DGKB: variants seen among roughly 807,000 people sequenced by gnomAD.
DGKB encodes the protein 90 kDa diacylglycerol kinase.
In DGKB, 67 loss-of-function variants were observed where a neutral mutation model predicts 114.3. That is an observed-to-expected ratio of 0.59 (90% CI 0.48 to 0.72). DGKB has a LOEUF of 0.72. DGKB is among the 30% of genes least tolerant of loss of function. The pLI is 0.00. For missense variants in DGKB, 907 were observed against 975.2 expected, an observed-to-expected ratio of 0.93 and a Z score of 0.93; for synonymous variants, 398 against 323.1, an observed-to-expected ratio of 1.23 and a Z score of -2.49.
chr7:14,668,211 T>A (rs556235173), intron 13 of DGKB, among the ~76,000 whole-genome samples: 1 of 152,078 alleles, frequency 6.6e-6, no homozygotes, highest in Non-Finnish European at 1.5e-5. Flanking sequence ...ATAAAATTTG[T>A]GAGGCTGGTA....
chr7:14,338,457 A>G (rs1200980017), intron 23 of DGKB, 58 bp downstream of exon 23: 1 of 1,111,188 alleles, frequency 9.0e-7, no homozygotes, highest in Admixed American at 2.6e-5. Context: ...TTACTTTTAA[A>G]GAAGCCTTTG....
chr7:14,279,420 C>A (rs1409023739), intron 23 of DGKB, among the ~76,000 whole-genome samples: 2 of 152,180 alleles, frequency 1.3e-5, no homozygotes, highest in Non-Finnish European at 2.9e-5. Context: ...GGCTCCACCT[C>A]TGGGGGCAGG....
chr7:14,155,735 G>A (rs1016086184), intron 25 of DGKB, among the ~76,000 whole-genome samples: 2 of 152,076 alleles, frequency 1.3e-5, no homozygotes, highest in African/African-American at 4.8e-5. Context: ...AGATTTTACT[G>A]CAATTTCCAT....
At chr7:14,393,483 T>C (rs1057248179) in intron 21 of DGKB, among the ~76,000 whole-genome samples, 1 of 152,194 alleles carries the variant, frequency 6.6e-6, no homozygotes, top group African/African-American at 2.4e-5. Flanking sequence ...TGTAGAAATT[T>C]ATTCTTTCTT....
At chr7:14,328,619 T>A (rs1222332594) in intron 23 of DGKB, among the ~76,000 whole-genome samples, 1 of 151,990 alleles carries the variant, frequency 6.6e-6, no homozygotes, top group East Asian at 1.9e-4. Context: ...GCAGGTAAAA[T>A]ATAATGATAA....
chr7:14,607,125 G>A (rs558846887), intron 17 of DGKB, among the ~76,000 whole-genome samples: 1 of 150,700 alleles, frequency 6.6e-6, no homozygotes, highest in South Asian at 2.1e-4. Flanking sequence ...ACATGGTTTG[G>A]CAGTGTTCAA....
Position 14,876,392 on chromosome 7 carries a change from A to G in DGKB, c.-188+26200T>C, listed in dbSNP as rs1261314959. ...ACAGAGCCGTAACAAGGCCACAAAC[A>G]TAACACTGCCTGTTGAGTAAAGCTG... On this transcript the variant is annotated intron_variant, in intron 1 of 25. Coordinates refer to ENST00000402815, the MANE Select transcript of DGKB (RefSeq NM_001350709.2). Among the ~76,000 whole-genome samples, 9 of 152,218 alleles carry G rather than the reference A, an allele frequency of 5.9e-5. No individual in the cohort carries two copies. In the South Asian group the frequency reaches 1.2e-3, roughly 21 times the overall value.
chr7:14,591,253 G>A (rs1483640926), intron 17 of DGKB, among the ~76,000 whole-genome samples: 1 of 152,112 alleles, frequency 6.6e-6, no homozygotes. Context: ...CTTTTGTACT[G>A]CGTATTGTAC....
chr7:14,479,708 A>G (rs1361646364), intron 20 of DGKB, among the ~76,000 whole-genome samples: 1 of 152,122 alleles, frequency 6.6e-6, no homozygotes, highest in Admixed American at 6.6e-5. Context: ...ATTATACTTT[A>G]TAATATGAAG....
intron 21 of DGKB, among the ~76,000 whole-genome samples, chr7:14,364,189 T>C (rs1471463479): frequency 1.3e-5 from 2 of 151,938 alleles, no homozygotes; most frequent in Admixed American, 1.3e-4. Context: ...AAACAACTAA[T>C]GCATAGTTCT....
At chr7:14,554,238 A>C (rs1795549418) in intron 20 of DGKB, among the ~76,000 whole-genome samples, 1 of 152,146 alleles carries the variant, frequency 6.6e-6, no homozygotes, top group South Asian at 2.1e-4. Context: ...TGTGTTCCCT[A>C]ACATTTCTTG....
In DGKB at chr7:14,285,333, T is replaced by C. The variant is rs1288555926; in HGVS notation, c.2122+53182A>G. 5.9e-5 allele frequency among the ~76,000 whole-genome samples: 9 copies of C among 152,246 alleles called. No homozygotes were observed. In the East Asian group the frequency reaches 1.4e-3, roughly 23 times the overall value. ...GAGTCTGCCACAATTACTGCTCTAA[T>C]AGAGGGGCTACAAATTACTATTGGA... On this transcript the variant is annotated intron_variant, in intron 23 of 25. Coordinates refer to ENST00000402815, the MANE Select transcript of DGKB (RefSeq NM_001350709.2).
intron 21 of DGKB, among the ~76,000 whole-genome samples, chr7:14,352,016 A>C (rs1033841801): frequency 3.9e-5 from 6 of 152,194 alleles, no homozygotes; most frequent in Non-Finnish European, 8.8e-5. Flanking sequence ...AACATTTTTC[A>C]TATTTCTAGA....
chr7:14,866,480 A>G (rs924843603), intron 1 of DGKB, among the ~76,000 whole-genome samples: 2 of 152,178 alleles, frequency 1.3e-5, no homozygotes, highest in Non-Finnish European at 2.9e-5. Flanking sequence ...AGAATGTTAT[A>G]TACACTTAGA....
At chr7:14,955,587 T>C (rs1786456755) in intron 1 of DGKB, among the ~76,000 whole-genome samples, 1 of 151,964 alleles carries the variant, frequency 6.6e-6, no homozygotes, top group Non-Finnish European at 1.5e-5. Flanking sequence ...AAACGTTCAG[T>C]TTAAGCAAAG....
chr7:14,931,292 A>T (rs192341842), intron 1 of DGKB, among the ~76,000 whole-genome samples: 1,550 of 152,094 alleles, frequency 0.01, 23 homozygotes, highest in Non-Finnish European at 0.01. Flanking sequence ...TTGTATTTTT[A>T]GTAGAGAAAG....
intron 25 of DGKB, among the ~76,000 whole-genome samples, chr7:14,156,169 G>C (rs183201863): frequency 1.3e-5 from 2 of 152,064 alleles, no homozygotes; most frequent in Non-Finnish European, 2.9e-5. Context: ...ATTAATTAGG[G>C]TGAAACCTTC....
intron 9 of DGKB, among the ~76,000 whole-genome samples, chr7:14,686,105 A>T (rs994318774): frequency 7.9e-5 from 12 of 152,198 alleles, no homozygotes; most frequent in Non-Finnish European, 1.5e-4. Context: ...ATTTTTATTT[A>T]TAACAATCAC....
intron 4 of DGKB, among the ~76,000 whole-genome samples, chr7:14,751,037 C>T (rs1834051343): frequency 6.6e-6 from 1 of 151,860 alleles, no homozygotes; most frequent in Non-Finnish European, 1.5e-5. Context: ...GTTTCAAACT[C>T]CTGACCCCCA....
Sources: allele counts gnomAD v4.1 joint callset (sites outside exome capture counted in the v4.1 genomes callset), GRCh38; gene constraint gnomAD v4.1.1; transcripts MANE v1.5; gene names NCBI Gene and HGNC (gene_info 2026-07-23, HGNC 2026-07-21).